The following CCDC73 variants were observed in gnomAD, a reference collection of about 807,000 sequenced individuals.
CCDC73 encodes coiled-coil domain containing 73, also known as coiled-coil domain-containing protein 73.
A neutral mutation model predicts 116.5 loss-of-function variants in CCDC73; 95 were observed. That is an observed-to-expected ratio of 0.82 (90% CI 0.69 to 0.97). The LOEUF is 0.97. Ranked by LOEUF, CCDC73 falls within the 50% of genes least tolerant of loss-of-function variation. The pLI, the probability that CCDC73 is intolerant of heterozygous loss-of-function variation, is 0.00. For missense variants in CCDC73, 1,066 were observed against 1,206.8 expected (o/e 0.88, Z 1.73); for synonymous variants, 398 against 401.3 (o/e 0.99, Z 0.10).
chr11:32,727,328 T>C (rs1850036916), intron 2 of CCDC73, among the ~76,000 whole-genome samples: 1 of 152,172 alleles, frequency 6.6e-6, no homozygotes, highest in South Asian at 2.1e-4. Context: ...TATTTTCCCC[T>C]TACATATTCT....
chr11:32,669,701 T>C (rs1856018845), intron 9 of CCDC73, among the ~76,000 whole-genome samples: 1 of 151,160 alleles, frequency 6.6e-6, no homozygotes, highest in Admixed American at 6.7e-5. Context: ...CACAAATAAA[T>C]GAGAACTGTA....
chr11:32,751,648 T>C (rs964317942), intron 2 of CCDC73, among the ~76,000 whole-genome samples: 5 of 152,210 alleles, frequency 3.3e-5, no homozygotes, highest in Admixed American at 2.6e-4. Flanking sequence ...ATGTGGCCAC[T>C]GCAGGGGCTG....
At chr11:32,720,806 T>C in intron 2 of CCDC73, among the ~76,000 whole-genome samples, 1 of 152,126 alleles carries the variant, frequency 6.6e-6, no homozygotes, top group East Asian at 1.9e-4. Context: ...GGAGTGGGCA[T>C]TAAAGATAGA....
chr11:32,830,289 C>G, the CCDC73 span: 1 of 868,272 alleles, frequency 1.2e-6, no homozygotes, highest in Non-Finnish European at 1.5e-6. Flanking sequence ...GACAGGTGCC[C>G]GATCAGCCCT....
In CCDC73 at chr11:32,635,673, CCCA is replaced by C; in HGVS notation, c.1185+20_1185+22del. On this transcript the variant is annotated intron_variant, in intron 14 of 17. Coordinates refer to ENST00000335185, the MANE Select transcript of CCDC73 (RefSeq NM_001008391.4). ...TCTTAATTTCTTTGATAGTTTGTAC[CCCA>C]CAACATACTTAAATTTTACCTGAAA... The C allele has an allele frequency of 1.6e-6, 2 of 1,273,880 alleles. No homozygotes were observed. Among genetic ancestry groups the C allele is most frequent in the East Asian group, 6.1e-5 (2 of 32,878 alleles). 78.9% of individuals were successfully genotyped at this position (1,273,880 alleles called of 1,614,324 possible).
chr11:32,738,743 C>T (rs75466113), intron 2 of CCDC73, among the ~76,000 whole-genome samples: 6,106 of 152,130 alleles, frequency 0.04, 224 homozygotes, highest in South Asian at 0.15. Flanking sequence ...GGTTCCTGTG[C>T]TTCTGGGTAT....
intron 2 of CCDC73, among the ~76,000 whole-genome samples, chr11:32,734,477 G>T (rs1208742598): frequency 6.8e-6 from 1 of 147,406 alleles, no homozygotes; most frequent in Non-Finnish European, 1.5e-5. Context: ...TGCACAGGGG[G>T]ATTTGGCAGG....
At chr11:32,643,640 A>T (rs1703316395) in intron 12 of CCDC73, among the ~76,000 whole-genome samples, 1 of 152,144 alleles carries the variant, frequency 6.6e-6, no homozygotes. Context: ...TAAAAATGAA[A>T]AGGTACAGTA....
chr11:32,747,267 C>A (rs1292468998), intron 2 of CCDC73, among the ~76,000 whole-genome samples: 5 of 152,176 alleles, frequency 3.3e-5, no homozygotes, highest in Non-Finnish European at 7.4e-5. Flanking sequence ...GGCTGCAGAA[C>A]AGCAAATATT....
chr11:32,683,598 C>A (rs1319236888), intron 6 of CCDC73, 24 bp from the exon 7 acceptor site: 7 of 1,341,756 alleles, frequency 5.2e-6, no homozygotes, highest in Non-Finnish European at 7.4e-6. Flanking sequence ...GGGGAAAAAT[C>A]TCATTAAAAT....
chr11:32,729,010 CTT>C (rs527449145), intron 2 of CCDC73, among the ~76,000 whole-genome samples: 1 of 144,750 alleles, frequency 6.9e-6, no homozygotes. Flanking sequence ...CAGCCCAATT[CTT>C]TTTTTTTTTT....
intron 17 of CCDC73, among the ~76,000 whole-genome samples, chr11:32,609,348 T>C (rs34370631): frequency 0.26 from 39,543 of 152,010 alleles, 5,613 homozygotes; most frequent in South Asian, 0.35. Flanking sequence ...TCCACAAATC[T>C]CTAGGACAGG....
chr11:32,742,559 CTT>C (rs1850197594), intron 2 of CCDC73, among the ~76,000 whole-genome samples: 1 of 152,078 alleles, frequency 6.6e-6, no homozygotes, highest in Non-Finnish European at 1.5e-5. Context: ...GATATTAGCC[CTT>C]TGTCAGATGA....
chr11:32,670,429 G>A (rs1294197939), intron 9 of CCDC73, among the ~76,000 whole-genome samples: 3 of 151,952 alleles, frequency 2.0e-5, no homozygotes, highest in Admixed American at 6.6e-5. Context: ...GGCTGAGGCA[G>A]GAGAATGGCG....
At chr11:32,656,416 G>T (rs1021142591) in intron 9 of CCDC73, among the ~76,000 whole-genome samples, 1 of 152,148 alleles carries the variant, frequency 6.6e-6, no homozygotes, top group Non-Finnish European at 1.5e-5. Flanking sequence ...GCCTACCAGA[G>T]AAGCAAAGAT....
chr11:32,664,474 G>A (rs989945850), intron 9 of CCDC73, among the ~76,000 whole-genome samples: 7 of 152,176 alleles, frequency 4.6e-5, no homozygotes, highest in Admixed American at 2.6e-4. Flanking sequence ...GCGTAGAGGT[G>A]TTTATAGTAT....
chr11:32,790,484 G>C (rs897974812), intron 1 of CCDC73, among the ~76,000 whole-genome samples: 1 of 152,110 alleles, frequency 6.6e-6, no homozygotes, highest in Non-Finnish European at 1.5e-5. Flanking sequence ...TTTGAAGAAG[G>C]CTTATTAACC....
chr11:32,625,838 T>C lies in CCDC73; in HGVS notation c.1186-9709A>G, dbSNP rs576339833. Among the ~76,000 whole-genome samples, 30 of 151,942 alleles carry C rather than the reference T, an allele frequency of 2.0e-4. 1 individual carries two copies. In the South Asian group the frequency reaches 5.8e-3, roughly 29 times the overall value. ...ATTGATGGGACGTATCTCAAACTAA[T>C]AAGAGCTATCTATGACAAACCCACA... On this transcript the variant is annotated intron_variant, in intron 14 of 17. Coordinates refer to ENST00000335185, the MANE Select transcript of CCDC73 (RefSeq NM_001008391.4).
At chr11:32,777,153 T>C (rs6484595) in intron 1 of CCDC73, among the ~76,000 whole-genome samples, 92,824 of 142,420 alleles carry the variant, frequency 0.65, 30,481 homozygotes, top group East Asian at 0.84. Flanking sequence ...GGCTGGAGTG[T>C]AGTGGTGCAA....
Sources: allele counts gnomAD v4.1 joint callset (sites outside exome capture counted in the v4.1 genomes callset), GRCh38; gene constraint gnomAD v4.1.1; transcripts MANE v1.5; gene names NCBI Gene and HGNC (gene_info 2026-07-23, HGNC 2026-07-21).